The following DSTN variants were observed in gnomAD, a reference collection of about 807,000 sequenced individuals.
The protein encoded by DSTN is destrin.
In DSTN, 10 loss-of-function variants were observed where a neutral mutation model predicts 16.8. That is an observed-to-expected ratio of 0.60 (90% confidence interval 0.37 to 1.01). DSTN has a LOEUF of 1.01. Ranked by LOEUF, DSTN falls within the 50% of genes least tolerant of loss-of-function variation. The pLI is 0.01. For missense variants in DSTN, 141 were observed against 196.7 expected, an observed-to-expected ratio of 0.72 and a Z score of 1.69; for synonymous variants, 57 against 58.9, an observed-to-expected ratio of 0.97 and a Z score of 0.14.
chr20:17,590,955 A>T (rs576891772), intron 1 of DSTN, among the ~76,000 whole-genome samples: 1 of 152,272 alleles, frequency 6.6e-6, no homozygotes, highest in African/African-American at 2.4e-5. Context: ...AAAAAGTTAA[A>T]AAATTAGCCA....
chr20:17,605,120 C>T (rs1278585041), intron 3 of DSTN: 5 of 456,176 alleles, frequency 1.1e-5, no homozygotes, highest in African/African-American at 1.0e-4. Flanking sequence ...GAAAGTGCAC[C>T]CACTCCTGAG....
intron 1 of DSTN, among the ~76,000 whole-genome samples, chr20:17,581,083 G>C (rs548859563): frequency 6.6e-6 from 1 of 152,198 alleles, no homozygotes; most frequent in Non-Finnish European, 1.5e-5. Flanking sequence ...AAGCCATTGG[G>C]TGTGTGATGG....
At chr20:17,584,591 G>T (rs6044893) in intron 1 of DSTN, among the ~76,000 whole-genome samples, 2 of 151,254 alleles carry the variant, frequency 1.3e-5, no homozygotes, top group South Asian at 4.2e-4. Context: ...GGCGGAAGTT[G>T]CAGTGAGCCG....
intron 1 of DSTN, among the ~76,000 whole-genome samples, chr20:17,589,355 C>T (rs528205366): frequency 6.6e-6 from 1 of 152,196 alleles, no homozygotes; most frequent in East Asian, 1.9e-4. Flanking sequence ...GGATTACAGG[C>T]ACACACCACC....
intron 1 of DSTN, among the ~76,000 whole-genome samples, chr20:17,582,933 A>G (rs2035362350): frequency 1.3e-5 from 2 of 152,244 alleles, no homozygotes; most frequent in Admixed American, 6.5e-5. Flanking sequence ...AACCCACAGA[A>G]TAGGAAAAGA....
At chr20:17,606,901 A>G in intron 3 of DSTN, 136 bp from the exon 4 acceptor site, 1 of 669,438 alleles carries the variant, frequency 1.5e-6, no homozygotes, top group Non-Finnish European at 2.5e-6. Flanking sequence ...TTTTCTCGTT[A>G]CTGTGTAGTA....
At chr20:17,591,572 A>G (rs1289346339) in intron 1 of DSTN, among the ~76,000 whole-genome samples, 1 of 152,232 alleles carries the variant, frequency 6.6e-6, no homozygotes, top group Admixed American at 6.5e-5. Context: ...ATTCTCTTTC[A>G]TGAAATTTCA....
rs557903785 is a variant in DSTN at position 17,606,700 on chromosome 20, T to A, written c.389-337T>A. Among the ~76,000 whole-genome samples the A allele has an allele frequency of 4.6e-5, 7 of 152,362 alleles. No homozygotes were observed. The South Asian group carries it at 1.4e-3, about 32-fold the overall frequency. ...CCCTGGTGCTGTTCCCTTCAATTCA[T>A]AGCACTTCTGCCTGCCCCTTCCTCC... On this transcript the variant is annotated intron_variant, in intron 3 of 3. Transcript: ENST00000246069.
intron 1 of DSTN, chr20:17,596,788 C>G: frequency 2.0e-6 from 2 of 985,386 alleles, no homozygotes; most frequent in Non-Finnish European, 1.2e-6. Context: ...TTTTAAGGAG[C>G]TTGTAAGTTA....
intron 1 of DSTN, among the ~76,000 whole-genome samples, chr20:17,588,597 T>C (rs2035435962): frequency 1.3e-5 from 2 of 151,992 alleles, no homozygotes; most frequent in African/African-American, 2.4e-5. Context: ...CTGGCTAACA[T>C]GGTGAAACCC....
Position 17,570,146 on chromosome 20 carries a change from C to T in DSTN, c.-63C>T, listed in dbSNP as rs972171914. The T allele has an allele frequency of 3.3e-6, 5 of 1,515,114 alleles. No homozygotes were observed. Among genetic ancestry groups the T allele is most frequent in the East Asian group, 2.7e-5 (1 of 36,928 alleles). The allele number at this position is 1,515,114 out of a possible 1,614,324, so 93.9% of individuals were successfully genotyped here. On this transcript the variant is annotated 5_prime_UTR_variant, in exon 1 of 4. The change creates a new upstream start codon in the 5' untranslated region. Coordinates refer to ENST00000246069, the MANE Select transcript of DSTN (RefSeq NM_006870.4). ...CTCGGTCCCGCAGCCGTGAGGAGGACGGTCTGCATACTCGCTGCCCGCCGG... is the reference window on the plus strand; with the variant it reads ...CTCGGTCCCGCAGCCGTGAGGAGGATGGTCTGCATACTCGCTGCCCGCCGG...
At chr20:17,573,473 CTATT>C (rs1188493247) in intron 1 of DSTN, among the ~76,000 whole-genome samples, 1 of 151,922 alleles carries the variant, frequency 6.6e-6, no homozygotes, top group Non-Finnish European at 1.5e-5. Flanking sequence ...TTTTTTTGGT[CTATT>C]TAAAGTTTTT....
chr20:17,590,875 G>A (rs2035461541), intron 1 of DSTN, among the ~76,000 whole-genome samples: 1 of 152,228 alleles, frequency 6.6e-6, no homozygotes, highest in Non-Finnish European at 1.5e-5. Context: ...GGGAAGCTGA[G>A]GCAGGAGGAT....
chr20:17,583,828 G>A (rs866879826), intron 1 of DSTN, among the ~76,000 whole-genome samples: 4 of 133,260 alleles, frequency 3.0e-5, no homozygotes, highest in South Asian at 5.1e-4. Context: ...CCTCTACCAC[G>A]CTGACTCAAG....
intron 2 of DSTN, among the ~76,000 whole-genome samples, chr20:17,602,209 G>A (rs1022499441): frequency 2.6e-5 from 4 of 152,190 alleles, no homozygotes; most frequent in Non-Finnish European, 1.5e-5. Flanking sequence ...ACGTATTCAG[G>A]CAGCTTAGAG....
intron 1 of DSTN, among the ~76,000 whole-genome samples, chr20:17,591,614 A>G (rs2035470392): frequency 6.6e-6 from 1 of 152,238 alleles, no homozygotes. Context: ...CCTGAAGCTT[A>G]GTGTAAATAC....
intron 1 of DSTN, chr20:17,599,922 A>G (rs2035568522): frequency 6.6e-6 from 1 of 152,220 alleles, no homozygotes; most frequent in Admixed American, 6.5e-5. Flanking sequence ...CATGCAAAAC[A>G]AAGTAGTTAA....
At chr20:17,589,741 A>G (rs1670819637) in intron 1 of DSTN, among the ~76,000 whole-genome samples, 1 of 152,206 alleles carries the variant, frequency 6.6e-6, no homozygotes. Flanking sequence ...TTAACTCCCT[A>G]ACTCCTTTGA....
chr20:17,605,003 A>T (rs1358092852), intron 3 of DSTN: 5 of 457,230 alleles, frequency 1.1e-5, no homozygotes, highest in African/African-American at 1.0e-4. Context: ...AGTTGTTATA[A>T]TAAAGTTGCA....
Sources: allele counts gnomAD v4.1 joint callset (sites outside exome capture counted in the v4.1 genomes callset), GRCh38; gene constraint gnomAD v4.1.1; transcripts MANE v1.5; gene names NCBI Gene and HGNC (gene_info 2026-07-23, HGNC 2026-07-21).